Variants in CRIM1 observed in about 807,000 individuals in gnomAD.
The protein encoded by CRIM1 is cysteine rich transmembrane BMP regulator 1.
In CRIM1, 32 loss-of-function variants were observed where a neutral mutation model predicts 116.4. The ratio of observed to expected loss-of-function variants is 0.27; its 90% CI spans 0.21 to 0.37. CRIM1 has a LOEUF of 0.37. CRIM1 is among the 10% of genes least tolerant of loss of function. CRIM1 has a pLI of 1.00. For missense variants in CRIM1, 1,331 were observed against 1,354.8 expected, an observed-to-expected ratio of 0.98 and a Z score of 0.28; for synonymous variants, 590 against 509.2, an observed-to-expected ratio of 1.16 and a Z score of -2.13.
intron 15 of CRIM1, among the ~76,000 whole-genome samples, chr2:36,545,604 C>CTGAT (rs1315829724): frequency 3.3e-5 from 5 of 152,120 alleles, no homozygotes; most frequent in Admixed American, 2.6e-4. Flanking sequence ...GTATTAAAGA[C>CTGAT]TGATAGTTGT....
At chr2:36,407,762 G>T (rs1415700149) in intron 2 of CRIM1, among the ~76,000 whole-genome samples, 5 of 151,436 alleles carry the variant, frequency 3.3e-5, no homozygotes, top group African/African-American at 1.2e-4. Context: ...TTACCAACAG[G>T]AGTGTGAGTG....
At position 36,549,677 on chromosome 2, in the gene CRIM1, T is replaced by G. The variant is rs1337450490; in HGVS notation, c.*976T>G. ...TTCTTTTTCCTTATTATATACTGAT[T>G]CTACAAAATAGAAACTACTTCATTT... is the stretch of plus-strand genomic sequence containing the variant. On this transcript the variant is annotated 3_prime_UTR_variant, in exon 17 of 17. Transcript: ENST00000280527. 6.6e-6 allele frequency: 1 copy of G among 152,492 alleles called. No individual in the cohort carries two copies. Among genetic ancestry groups the G allele is most frequent in the Non-Finnish European group, 1.5e-5 (1 of 68,000 alleles). The allele number at this position is 152,492 out of a possible 1,614,324, so 9.4% of individuals were successfully genotyped here.
intron 13 of CRIM1, among the ~76,000 whole-genome samples, chr2:36,534,431 G>A (rs1261815668): frequency 7.2e-6 from 1 of 138,588 alleles, no homozygotes; most frequent in Non-Finnish European, 1.6e-5. Context: ...GAAGGAAGGG[G>A]ACAGGAAGGG....
chr2:36,524,259 G>A (rs1665601915), intron 13 of CRIM1, among the ~76,000 whole-genome samples: 1 of 152,138 alleles, frequency 6.6e-6, no homozygotes, highest in South Asian at 2.1e-4. Context: ...AGCGAAAAAT[G>A]TATCAAGGCA....
intron 7 of CRIM1, among the ~76,000 whole-genome samples, chr2:36,490,038 G>A (rs1290244334): frequency 2.0e-4 from 31 of 152,180 alleles, no homozygotes; most frequent in Admixed American, 2.0e-3. Context: ...CACCGTCTCA[G>A]ATGCTTTTCA....
intron 1 of CRIM1, among the ~76,000 whole-genome samples, chr2:36,390,222 TAAAA>T (rs541307923): frequency 6.6e-6 from 1 of 152,076 alleles, no homozygotes; most frequent in Non-Finnish European, 1.5e-5. Context: ...ATAAAGCAAA[TAAAA>T]AAACCTACTC....
intron 1 of CRIM1, among the ~76,000 whole-genome samples, 180 bp from the exon 2 acceptor site, chr2:36,396,434 T>C (rs1672033350): frequency 6.6e-6 from 1 of 152,232 alleles, no homozygotes; most frequent in Non-Finnish European, 1.5e-5. Flanking sequence ...TTTCACTTTT[T>C]TCAGTTATTA....
chr2:36,417,008 G>A (rs75097300), intron 2 of CRIM1, among the ~76,000 whole-genome samples: 6,457 of 152,268 alleles, frequency 0.042, 175 homozygotes, highest in Middle Eastern at 0.088. Context: ...AGAGCATCCA[G>A]GTCAGTTTAG....
At chr2:36,382,310 T>C (rs1018919334) in intron 1 of CRIM1, among the ~76,000 whole-genome samples, 1 of 152,210 alleles carries the variant, frequency 6.6e-6, no homozygotes, top group Non-Finnish European at 1.5e-5. Context: ...GCAGAGTCTG[T>C]TTCTGAAACA....
At chr2:36,546,952 GT>G in intron 15 of CRIM1, 31 bp from the exon 16 acceptor site, 1 of 1,270,050 alleles carries the variant, frequency 7.9e-7, no homozygotes, top group Non-Finnish European at 1.1e-6. Flanking sequence ...TCTGGTTTAG[GT>G]AATAAATGCT....
intron 1 of CRIM1, among the ~76,000 whole-genome samples, chr2:36,366,464 G>A (rs1358636725): frequency 6.6e-6 from 1 of 151,940 alleles, no homozygotes; most frequent in Non-Finnish European, 1.5e-5. Context: ...TGTATTTCAA[G>A]TTCCTGAGAA....
At chr2:36,432,802 T>A (rs1009797526) in intron 2 of CRIM1, among the ~76,000 whole-genome samples, 13 of 142,912 alleles carry the variant, frequency 9.1e-5, no homozygotes, top group South Asian at 2.2e-4. Flanking sequence ...AAAAAAAATA[T>A]ATACCGATAC....
At chr2:36,357,921 T>C (rs1219767577) in intron 1 of CRIM1, among the ~76,000 whole-genome samples, 1 of 152,170 alleles carries the variant, frequency 6.6e-6, no homozygotes, top group Non-Finnish European at 1.5e-5. Flanking sequence ...ATGGACCTAT[T>C]AAAAGGCTTC....
At chr2:36,473,039 CT>C (rs1157134792) in intron 5 of CRIM1, among the ~76,000 whole-genome samples, 1 of 152,210 alleles carries the variant, frequency 6.6e-6, no homozygotes, top group Non-Finnish European at 1.5e-5. Flanking sequence ...ATTCATGTGA[CT>C]TTAAGCAAAT....
chr2:36,418,572 C>T (rs377449260), intron 2 of CRIM1, among the ~76,000 whole-genome samples: 5 of 152,166 alleles, frequency 3.3e-5, no homozygotes, highest in African/African-American at 1.2e-4. Flanking sequence ...CAGGGGTGAG[C>T]CACCGTGCCC....
At chr2:36,414,714 AC>A (rs1412956863) in intron 2 of CRIM1, among the ~76,000 whole-genome samples, 1 of 152,164 alleles carries the variant, frequency 6.6e-6, no homozygotes, top group African/African-American at 2.4e-5. Flanking sequence ...ATGTTCAGTG[AC>A]CCCAGTATGG....
chr2:36,366,057 C>G (rs1014914482), intron 1 of CRIM1, among the ~76,000 whole-genome samples: 1 of 152,182 alleles, frequency 6.6e-6, no homozygotes, highest in Non-Finnish European at 1.5e-5. Flanking sequence ...GTGACTCTTT[C>G]CTTTGTACCT....
chr2:36,462,896 T>G (rs1271708463), intron 4 of CRIM1, among the ~76,000 whole-genome samples: 1 of 152,146 alleles, frequency 6.6e-6, no homozygotes, highest in East Asian at 1.9e-4. Flanking sequence ...TGGGATGACC[T>G]TATCAGGCAC....
intron 7 of CRIM1, among the ~76,000 whole-genome samples, chr2:36,484,292 AT>A (rs899636946): frequency 6.6e-6 from 1 of 151,636 alleles, no homozygotes; most frequent in African/African-American, 2.4e-5. Context: ...ACGGGCAAGG[AT>A]TTTTTTTACA....
Sources: gnomAD v4.1 joint callset for allele counts (sites outside exome capture counted in the v4.1 genomes callset) on GRCh38, gnomAD v4.1.1 for gene constraint, MANE v1.5 for transcripts, NCBI Gene and HGNC (gene_info 2026-07-23, HGNC 2026-07-21) for gene names.